CRB1: variants seen among roughly 807,000 people sequenced by gnomAD.
The protein encoded by CRB1 is crumbs cell polarity complex component 1.
Under a neutral mutation model 120.0 loss-of-function variants are expected in CRB1, and 83 were observed. The observed-to-expected ratio is 0.69, with a 90% CI of 0.58 to 0.83. CRB1 has a LOEUF of 0.83. Among genes scored for constraint, CRB1 ranks in the 40% least tolerant of loss-of-function variants. CRB1 has a pLI of 0.00. For synonymous variants in CRB1, 625 were observed against 612.5 expected, an observed-to-expected ratio of 1.02 and a Z score of -0.30; for missense variants, 1,699 against 1,687.6, an observed-to-expected ratio of 1.01 and a Z score of -0.12.
At chr1:197,367,964 G>A (rs889372594) in intron 5 of CRB1, among the ~76,000 whole-genome samples, 3 of 152,112 alleles carry the variant, frequency 2.0e-5, no homozygotes, top group Admixed American at 6.5e-5. Context: ...AAGTTCATCC[G>A]CTTCAAGCAC....
In CRB1 at chr1:197,382,194, A is replaced by G. The variant is rs1393425169; in HGVS notation, c.1171+25181A>G. 3.3e-5 allele frequency among the ~76,000 whole-genome samples: 5 copies of G among 152,214 alleles called. No individual in the cohort carries two copies. In the East Asian group the frequency reaches 9.6e-4, roughly 29 times the overall value. ...AGACAATAACAGTAACCTAACTTAC[A>G]GGGTGGCTGGTAATGGGATAAATGA... On this transcript the variant is annotated intron_variant, in intron 5 of 11. Transcript: ENST00000367400.
At chr1:197,300,147 A>G (rs1571795661) in intron 1 of CRB1, among the ~76,000 whole-genome samples, 1 of 151,996 alleles carries the variant, frequency 6.6e-6, no homozygotes, top group Non-Finnish European at 1.5e-5. Flanking sequence ...AGACTAAACA[A>G]TATTGAAATT....
chr1:197,309,679 G>A (rs1657398654), intron 1 of CRB1, among the ~76,000 whole-genome samples: 4 of 151,812 alleles, frequency 2.6e-5, no homozygotes, highest in Admixed American at 1.3e-4. Context: ...GCATGAACCC[G>A]GGAGGCAGAG....
chr1:197,230,338 A>C, the CRB1 span, among the ~76,000 whole-genome samples: 1 of 152,212 alleles, frequency 6.6e-6, no homozygotes, highest in African/African-American at 2.4e-5. Flanking sequence ...TCTTGGATCG[A>C]AGTGTAAATT....
intron 1 of CRB1, among the ~76,000 whole-genome samples, chr1:197,320,767 CTA>C (rs1425392319): frequency 2.0e-5 from 3 of 152,030 alleles, no homozygotes; most frequent in African/African-American, 4.8e-5. Flanking sequence ...ATTTTAAAAA[CTA>C]AATTATCATA....
At chr1:197,325,787 G>T (rs187130811) in intron 1 of CRB1, among the ~76,000 whole-genome samples, 1 of 152,076 alleles carries the variant, frequency 6.6e-6, no homozygotes, top group African/African-American at 2.4e-5. Context: ...ACATTAGTGA[G>T]GATACAATGA....
At chr1:197,332,503 G>A (rs1218438071) in intron 2 of CRB1, among the ~76,000 whole-genome samples, 1 of 152,104 alleles carries the variant, frequency 6.6e-6, no homozygotes, top group Non-Finnish European at 1.5e-5. Flanking sequence ...AGACTCATAA[G>A]GCAGATAAAA....
intron 1 of CRB1, among the ~76,000 whole-genome samples, chr1:197,282,381 C>T (rs903523031): frequency 6.6e-6 from 1 of 151,730 alleles, no homozygotes; most frequent in African/African-American, 2.4e-5. Context: ...GGATTCAAGG[C>T]TTAAATATGA....
chr1:197,442,444 A>C (rs1665502311), intron 11 of CRB1, 152 bp downstream of exon 11: 2 of 1,561,068 alleles, frequency 1.3e-6, no homozygotes, highest in African/African-American at 2.7e-5. Context: ...TCCCAAATGA[A>C]AAAAAAAGCC....
chr1:197,297,199 G>A (rs539867736), intron 1 of CRB1, among the ~76,000 whole-genome samples: 3 of 151,800 alleles, frequency 2.0e-5, no homozygotes, highest in African/African-American at 4.8e-5. Flanking sequence ...ATTCTGTCCC[G>A]TGTTTGCACC....
chr1:197,323,982 C>A (rs1558053511), intron 1 of CRB1, among the ~76,000 whole-genome samples: 2 of 152,242 alleles, frequency 1.3e-5, no homozygotes, highest in Non-Finnish European at 2.9e-5. Context: ...ACGTGCCTAT[C>A]AGATATAGGG....
chr1:197,465,481 T>C (rs956338116), intron 11 of CRB1, among the ~76,000 whole-genome samples: 4 of 152,224 alleles, frequency 2.6e-5, no homozygotes. Flanking sequence ...CCTTTAGTTC[T>C]AAAACTAAAT....
chr1:197,281,296 G>A (rs1318603097), intron 1 of CRB1, among the ~76,000 whole-genome samples: 1 of 151,842 alleles, frequency 6.6e-6, no homozygotes, highest in Non-Finnish European at 1.5e-5. Flanking sequence ...GGCTTTAAAT[G>A]CTATAATGAA....
chr1:197,350,950 A>G (rs1361637250), intron 4 of CRB1, among the ~76,000 whole-genome samples: 2 of 152,088 alleles, frequency 1.3e-5, no homozygotes, highest in East Asian at 3.9e-4. Flanking sequence ...TAAATATCAA[A>G]ATTAGGAAGT....
chr1:197,327,667 T>A (rs1015542118), intron 1 of CRB1, among the ~76,000 whole-genome samples: 1 of 152,200 alleles, frequency 6.6e-6, no homozygotes, highest in African/African-American at 2.4e-5. Context: ...TTAATGCAAA[T>A]ATAGAAATAA....
At chr1:197,330,961 G>A (rs974798087) in intron 2 of CRB1, among the ~76,000 whole-genome samples, 1 of 152,124 alleles carries the variant, frequency 6.6e-6, no homozygotes, top group South Asian at 2.1e-4. Context: ...TTGGGAGGCC[G>A]AGGCGGGAGG....
At chr1:197,405,928 A>T (rs1396812134) in intron 5 of CRB1, among the ~76,000 whole-genome samples, 4 of 149,628 alleles carry the variant, frequency 2.7e-5, no homozygotes, top group Non-Finnish European at 4.4e-5. Context: ...CCGCCAGGCC[A>T]GCCGTCCCGT....
At chr1:197,398,948 T>C (rs1242512623) in intron 5 of CRB1, among the ~76,000 whole-genome samples, 1 of 150,520 alleles carries the variant, frequency 6.6e-6, no homozygotes, top group Admixed American at 6.6e-5. Flanking sequence ...TATGCAGATA[T>C]AGACTATATA....
intron 4 of CRB1, among the ~76,000 whole-genome samples, chr1:197,353,948 A>T (rs1309270361): frequency 6.6e-6 from 1 of 150,946 alleles, no homozygotes; most frequent in Non-Finnish European, 1.5e-5. Context: ...CAGTATACAT[A>T]GTATATAAAT....
Sources: allele counts gnomAD v4.1 joint callset (sites outside exome capture counted in the v4.1 genomes callset), GRCh38; gene constraint gnomAD v4.1.1; transcripts MANE v1.5; gene names NCBI Gene and HGNC (gene_info 2026-07-23, HGNC 2026-07-21).